The following SLIT3 variants were observed in gnomAD, a reference collection of about 807,000 sequenced individuals.
SLIT3 encodes slit homolog 3 protein.
A neutral mutation model predicts 184.0 loss-of-function variants in SLIT3; 68 were observed. The observed-to-expected ratio is 0.37, with a 90% CI of 0.30 to 0.45. The LOEUF (loss-of-function observed/expected upper bound fraction) is 0.45, where lower values mean the gene tolerates loss of function less well. Among genes scored for constraint, SLIT3 ranks in the 20% least tolerant of loss-of-function variants. SLIT3 has a pLI of 1.00. For synonymous variants in SLIT3, 831 were observed against 828.6 expected (o/e 1.00, Z -0.05); for missense variants, 1,707 against 2,026.0 (o/e 0.84, Z 3.02).
intron 4 of SLIT3, among the ~76,000 whole-genome samples, chr5:169,140,478 CTCAAAAAAAAA>C (rs1761685550): frequency 3.1e-5 from 2 of 64,362 alleles, no homozygotes; most frequent in East Asian, 5.0e-4. Flanking sequence ...GAAACTCTAA[CTCAAAAAAAAA>C]AAAAAAAAAA....
chr5:168,832,598 A>G (rs1166575526), intron 6 of SLIT3, among the ~76,000 whole-genome samples: 4 of 152,186 alleles, frequency 2.6e-5, no homozygotes. Flanking sequence ...TGCCTACGGG[A>G]GTGAGGCTTG....
intron 4 of SLIT3, among the ~76,000 whole-genome samples, chr5:169,032,462 T>A (rs750809143): frequency 2.0e-5 from 3 of 152,192 alleles, no homozygotes; most frequent in Non-Finnish European, 4.4e-5. Context: ...ATAGTCATAT[T>A]TAGTTCATAC....
intron 4 of SLIT3, among the ~76,000 whole-genome samples, chr5:168,995,169 G>T (rs1362397678): frequency 6.6e-6 from 1 of 152,090 alleles, no homozygotes; most frequent in Non-Finnish European, 1.5e-5. Flanking sequence ...CACGCATATT[G>T]CACCTTCAGA....
At chr5:169,296,909 T>A (rs1396765116) in intron 1 of SLIT3, among the ~76,000 whole-genome samples, 1 of 152,188 alleles carries the variant, frequency 6.6e-6, no homozygotes. Flanking sequence ...CAGTGAGAAG[T>A]GGGCCTCTGC....
intron 4 of SLIT3, among the ~76,000 whole-genome samples, chr5:168,896,740 G>T (rs1760677657): frequency 6.6e-6 from 1 of 152,204 alleles, no homozygotes; most frequent in Non-Finnish European, 1.5e-5. Flanking sequence ...AGGAGAAGTT[G>T]GCAGGAGACT....
chr5:168,723,125 A>C, intron 21 of SLIT3, 121 bp from the exon 22 acceptor site: 1 of 706,330 alleles, frequency 1.4e-6, no homozygotes, highest in South Asian at 1.6e-5. Flanking sequence ...CCATCCACCC[A>C]CCTATTCATT....
chr5:168,802,532 G>A (rs1257831808), intron 9 of SLIT3, among the ~76,000 whole-genome samples: 1 of 152,142 alleles, frequency 6.6e-6, no homozygotes, highest in Non-Finnish European at 1.5e-5. Flanking sequence ...AATACGCAGG[G>A]GCAGTCTTAT....
At chr5:168,674,184 T>C (rs1761338610) in intron 32 of SLIT3, among the ~76,000 whole-genome samples, 1 of 152,194 alleles carries the variant, frequency 6.6e-6, no homozygotes, top group Non-Finnish European at 1.5e-5. Flanking sequence ...ATAATACTCA[T>C]GCTAGGTAAG....
rs1283692338 is a variant in SLIT3, at chr5:168,666,106, T to A, written c.*348A>T. On this transcript the variant is annotated 3_prime_UTR_variant, in exon 36 of 36. Coordinates refer to ENST00000519560, the MANE Select transcript of SLIT3 (RefSeq NM_003062.4). ...GCTATCATTCTTTATTCTTATCCTT[T>A]TGTTTTAAAGCATTTTTATTAGTCT... The A allele has an allele frequency of 5.9e-6, 1 of 170,284 alleles. No individual in the cohort carries two copies. Among genetic ancestry groups the A allele is most frequent in the African/African-American group, 2.4e-5 (1 of 42,230 alleles). 10.5% of individuals were successfully genotyped at this position (170,284 alleles called of 1,614,324 possible).
chr5:168,803,557 C>T (rs1313228022), intron 9 of SLIT3, among the ~76,000 whole-genome samples: 1 of 152,152 alleles, frequency 6.6e-6, no homozygotes, highest in Non-Finnish European at 1.5e-5. Context: ...GCTGTGTATC[C>T]ACGAGGTCCA....
chr5:168,949,195 C>A (rs540378467), intron 4 of SLIT3, among the ~76,000 whole-genome samples: 1 of 152,202 alleles, frequency 6.6e-6, no homozygotes, highest in African/African-American at 2.4e-5. Flanking sequence ...GCTCTTATCT[C>A]CAGGCAAACC....
intron 4 of SLIT3, among the ~76,000 whole-genome samples, chr5:168,892,430 A>G (rs1760502881): frequency 6.6e-6 from 1 of 152,226 alleles, no homozygotes; most frequent in Non-Finnish European, 1.5e-5. Context: ...GCAGCATCTC[A>G]TTGCCAAAGG....
At chr5:168,860,540 C>T (rs1759065206) in intron 5 of SLIT3, among the ~76,000 whole-genome samples, 1 of 152,028 alleles carries the variant, frequency 6.6e-6, no homozygotes. Context: ...GGGAAGGGTT[C>T]TTGGCAGGGG....
At chr5:169,129,830 G>T (rs77226150) in intron 4 of SLIT3, among the ~76,000 whole-genome samples, 2,857 of 125,598 alleles carry the variant, frequency 0.023, 37 homozygotes, top group Middle Eastern at 0.045. Context: ...GGTTTTTTTT[G>T]TTTGTTTGTT....
chr5:169,051,932 A>G (rs1193780690), intron 4 of SLIT3, among the ~76,000 whole-genome samples: 3 of 152,166 alleles, frequency 2.0e-5, no homozygotes, highest in African/African-American at 7.2e-5. Flanking sequence ...CAACCTACAG[A>G]ATCCATCATC....
At chr5:169,141,664 G>A (rs1217795927) in intron 4 of SLIT3, among the ~76,000 whole-genome samples, 2 of 151,778 alleles carry the variant, frequency 1.3e-5, no homozygotes, top group African/African-American at 2.4e-5. Context: ...GCTTGAACCC[G>A]GGAGGCGGAG....
At chr5:168,699,232 C>T (rs1247789494) in intron 27 of SLIT3, among the ~76,000 whole-genome samples, 4 of 152,220 alleles carry the variant, frequency 2.6e-5, no homozygotes, top group Admixed American at 6.5e-5. Flanking sequence ...CAGGTGGACA[C>T]GTGGGCGGGC....
chr5:168,763,500 C>T (rs555572178), intron 14 of SLIT3, among the ~76,000 whole-genome samples: 77 of 152,256 alleles, frequency 5.1e-4, no homozygotes, highest in African/African-American at 1.6e-3. Flanking sequence ...GCACATTCTA[C>T]ATAACTATAG....
At chr5:169,235,000 G>A (rs1280227953) in intron 3 of SLIT3, among the ~76,000 whole-genome samples, 1 of 152,096 alleles carries the variant, frequency 6.6e-6, no homozygotes, top group Non-Finnish European at 1.5e-5. Context: ...AACATATTTT[G>A]TTTTGACCCC....
Sources: allele counts gnomAD v4.1 joint callset (sites outside exome capture counted in the v4.1 genomes callset), GRCh38; gene constraint gnomAD v4.1.1; transcripts MANE v1.5; gene names NCBI Gene and HGNC (gene_info 2026-07-23, HGNC 2026-07-21).